Variants in MAGI2 observed in about 807,000 individuals in gnomAD.
MAGI2 encodes the protein membrane-associated guanylate kinase, WW and PDZ domain-containing protein 2.
MAGI2 carries 35 observed loss-of-function variants against 133.3 expected under a neutral mutation model. That is an observed-to-expected ratio of 0.26 (90% CI 0.20 to 0.35). The LOEUF (loss-of-function observed/expected upper bound fraction) is 0.35. Among genes scored for constraint, MAGI2 ranks in the 10% least tolerant of loss-of-function variants. The pLI is 1.00. For synonymous variants in MAGI2, 729 were observed against 710.6 expected (o/e 1.03, Z -0.41); for missense variants, 1,636 against 1,863.4 (o/e 0.88, Z 2.25).
intron 1 of MAGI2, among the ~76,000 whole-genome samples, chr7:79,435,702 T>C (rs955865880): frequency 6.6e-6 from 1 of 152,120 alleles, no homozygotes; most frequent in African/African-American, 2.4e-5. Flanking sequence ...AATCTACAGA[T>C]TCAATGCTAT....
At chr7:79,167,169 G>T (rs1226204430) in intron 1 of MAGI2, among the ~76,000 whole-genome samples, 1 of 151,762 alleles carries the variant, frequency 6.6e-6, no homozygotes, top group Non-Finnish European at 1.5e-5. Flanking sequence ...TAATTTTGTG[G>T]GGGTTGAGGA....
intron 1 of MAGI2, among the ~76,000 whole-genome samples, chr7:79,070,433 C>T (rs1012940020): frequency 2.0e-5 from 3 of 150,760 alleles, no homozygotes; most frequent in Admixed American, 6.6e-5. Flanking sequence ...ACAAAGTTCT[C>T]GTGTTGTGTT....
intron 10 of MAGI2, among the ~76,000 whole-genome samples, chr7:78,222,089 C>T (rs768157439): frequency 2.0e-5 from 3 of 151,826 alleles, no homozygotes; most frequent in African/African-American, 2.4e-5. Context: ...CTTTGAAAAG[C>T]GCTGGACATT....
chr7:78,290,760 C>T (rs1796620940), intron 9 of MAGI2, among the ~76,000 whole-genome samples: 1 of 151,340 alleles, frequency 6.6e-6, no homozygotes, highest in Admixed American at 6.6e-5. Context: ...GACCACAGTG[C>T]TATCAGAACT....
chr7:78,905,974 T>G (rs534737111), intron 2 of MAGI2, among the ~76,000 whole-genome samples: 2 of 152,212 alleles, frequency 1.3e-5, no homozygotes, highest in East Asian at 3.9e-4. Context: ...TCCTGGACCA[T>G]AGCAGCAAGT....
chr7:78,516,253 G>A (rs368540032), intron 4 of MAGI2, among the ~76,000 whole-genome samples: 1 of 152,198 alleles, frequency 6.6e-6, no homozygotes, highest in Non-Finnish European at 1.5e-5. Context: ...AGATGTTCTT[G>A]TCAAATGTAA....
chr7:78,756,945 G>C (rs549974815), intron 2 of MAGI2, among the ~76,000 whole-genome samples: 1 of 152,214 alleles, frequency 6.6e-6, no homozygotes, highest in South Asian at 2.1e-4. Flanking sequence ...GATTTCAAGT[G>C]AGCCCTTAAA....
intron 1 of MAGI2, among the ~76,000 whole-genome samples, chr7:79,160,102 T>C (rs1266723280): frequency 6.6e-6 from 1 of 152,080 alleles, no homozygotes; most frequent in Non-Finnish European, 1.5e-5. Flanking sequence ...TTTAAAATCT[T>C]ATAGTCATGT....
At chr7:78,396,198 C>T (rs1215791669) in intron 6 of MAGI2, among the ~76,000 whole-genome samples, 7 of 152,028 alleles carry the variant, frequency 4.6e-5, no homozygotes, top group Non-Finnish European at 7.4e-5. Context: ...TAAAGCAAAG[C>T]GATTGTAAAT....
chr7:78,580,364 T>C (rs981601725), intron 3 of MAGI2, among the ~76,000 whole-genome samples: 7 of 152,144 alleles, frequency 4.6e-5, no homozygotes, highest in African/African-American at 1.7e-4. Context: ...GGACAATAGG[T>C]TCTTCTAAAC....
intron 9 of MAGI2, among the ~76,000 whole-genome samples, chr7:78,327,978 T>C (rs549947541): frequency 2.6e-5 from 4 of 152,242 alleles, no homozygotes; most frequent in Non-Finnish European, 1.5e-5. Flanking sequence ...AAATTTACCA[T>C]GAAAAATCAG....
At chr7:78,292,065 A>T (rs528105853) in intron 9 of MAGI2, among the ~76,000 whole-genome samples, 1 of 152,262 alleles carries the variant, frequency 6.6e-6, no homozygotes, top group East Asian at 1.9e-4. Context: ...TCAACATAGT[A>T]TTGGAAGTTC....
chr7:78,687,969 T>TAAAAAAAAAAAAAAAAAAAAAAAA (rs72030909), intron 2 of MAGI2, among the ~76,000 whole-genome samples: 45 of 67,224 alleles, frequency 6.7e-4, no homozygotes, highest in Non-Finnish European at 1.0e-3. Context: ...GTCCTTGCCT[T>TAAAAAAAAAAAAAAAAAAAAAAAA]AAAAAAAAAA....
chr7:79,225,972 G>A (rs1830820033), intron 1 of MAGI2, among the ~76,000 whole-genome samples: 1 of 152,136 alleles, frequency 6.6e-6, no homozygotes, highest in Non-Finnish European at 1.5e-5. Context: ...TGTATAGAAT[G>A]TCACCTGAGG....
At chr7:78,133,150 G>C in intron 17 of MAGI2, 90 bp from the exon 18 acceptor site, 1 of 1,012,618 alleles carries the variant, frequency 9.9e-7, no homozygotes, top group Non-Finnish European at 1.4e-6. Flanking sequence ...TGCCTCTGCT[G>C]ATGGCTCAGG....
chr7:78,669,851 G>A (rs1422137914), intron 2 of MAGI2, among the ~76,000 whole-genome samples: 1 of 152,028 alleles, frequency 6.6e-6, no homozygotes, highest in Non-Finnish European at 1.5e-5. Flanking sequence ...TGCAGAAAAG[G>A]CCTTTGACAA....
At chr7:78,524,396 G>C (rs1796775184) in intron 3 of MAGI2, among the ~76,000 whole-genome samples, 1 of 146,010 alleles carries the variant, frequency 6.8e-6, no homozygotes, top group African/African-American at 2.6e-5. Flanking sequence ...AAAAATTGCA[G>C]TGGTTTTAAC....
At chr7:78,183,238 A>G (rs1827353839) in intron 13 of MAGI2, among the ~76,000 whole-genome samples, 1 of 151,246 alleles carries the variant, frequency 6.6e-6, no homozygotes. Context: ...TGGGGCATCT[A>G]CTTATTTTAT....
At chr7:78,809,161 G>C (rs1010036084) in intron 2 of MAGI2, among the ~76,000 whole-genome samples, 3 of 152,188 alleles carry the variant, frequency 2.0e-5, no homozygotes, top group African/African-American at 7.2e-5. Context: ...ACTGGATCTG[G>C]TCACATCACT....
Sources: allele counts gnomAD v4.1 joint callset (sites outside exome capture counted in the v4.1 genomes callset), GRCh38; gene constraint gnomAD v4.1.1; transcripts MANE v1.5; gene names NCBI Gene and HGNC (gene_info 2026-07-23, HGNC 2026-07-21).